Variants in FAM161A observed in about 807,000 individuals in gnomAD.
The protein encoded by FAM161A is FAM161 centrosomal protein A.
Under a neutral mutation model 70.9 loss-of-function variants are expected in FAM161A, and 57 were observed. The observed-to-expected ratio is 0.80, with a 90% CI of 0.65 to 1.00. The LOEUF is 1.00. Among genes scored for constraint, FAM161A ranks in the 50% least tolerant of loss-of-function variants. The probability of loss-of-function intolerance (pLI) is 0.00; values close to 1 mark genes in which losing one functional copy is unlikely to be tolerated. For synonymous variants in FAM161A, 299 were observed against 295.7 expected (o/e 1.01, Z -0.12); for missense variants, 880 against 836.0 (o/e 1.05, Z -0.65).
chr2:61,816,286 C>T, the FAM161A span, among the ~76,000 whole-genome samples: 1 of 152,146 alleles, frequency 6.6e-6, no homozygotes, highest in South Asian at 2.1e-4. Flanking sequence ...CTTACATTCA[C>T]CCTCCCACTG....
the FAM161A span, among the ~76,000 whole-genome samples, chr2:61,802,558 A>T: frequency 6.6e-6 from 1 of 152,170 alleles, no homozygotes; most frequent in Non-Finnish European, 1.5e-5. Context: ...AGAAGATGGT[A>T]TTGTGTCAAA....
chr2:61,836,039 T>C lies in FAM161A; in HGVS notation c.1822A>G (p.Arg608Gly), dbSNP rs1672759522. The C allele has an allele frequency of 6.2e-7, 1 of 1,611,136 alleles. No individual in the cohort carries two copies. The highest frequency in any genetic ancestry group is 1.1e-5 in the South Asian group (1 of 90,278). The change falls in exon 5 of 7, where the codon AGG (arginine) becomes GGG (glycine). Residue 608 changes from arginine to glycine, a missense_variant. Transcript: ENST00000404929. ...LEEREEKLKK[R>G]PLLFERVAQK... The stretch of plus-strand genomic sequence containing the variant: ...GCAACTCTTTCAAATAGCAGTGGCC[T>C]CTTTTTTAATTTTTCTTCTCTTTCT...
At chr2:61,826,647 T>C (rs1017027409) in intron 6 of FAM161A, 48 bp from the exon 7 acceptor site, 1 of 1,545,822 alleles carries the variant, frequency 6.5e-7, no homozygotes, top group African/African-American at 1.4e-5. Context: ...TGAGTTGGTT[T>C]AAAGGTAAAC....
At chr2:61,851,038 C>T (rs1380698742) in intron 1 of FAM161A, among the ~76,000 whole-genome samples, 1 of 152,064 alleles carries the variant, frequency 6.6e-6, no homozygotes, top group African/African-American at 2.4e-5. Flanking sequence ...CCACGCCCGG[C>T]TAATTTTGTA....
At chr2:61,816,558 T>A in the FAM161A span, among the ~76,000 whole-genome samples, 1 of 152,110 alleles carries the variant, frequency 6.6e-6, no homozygotes, top group African/African-American at 2.4e-5. Flanking sequence ...CCTCCTGGAC[T>A]CAAGCAATCC....
chr2:61,841,995 A>T, intron 2 of FAM161A, 127 bp downstream of exon 2: 1 of 710,610 alleles, frequency 1.4e-6, no homozygotes, highest in Non-Finnish European at 2.5e-6. Context: ...ATAAAATCCT[A>T]CCTCTGTATA....
chr2:61,843,942 G>T (rs1477756069), intron 1 of FAM161A, among the ~76,000 whole-genome samples: 1 of 152,040 alleles, frequency 6.6e-6, no homozygotes, highest in Non-Finnish European at 1.5e-5. Context: ...AGGAGATTGA[G>T]ACAATCCTGG....
chr2:61,805,448 G>A, the FAM161A span, among the ~76,000 whole-genome samples: 52 of 152,222 alleles, frequency 3.4e-4, no homozygotes, highest in African/African-American at 1.1e-3. Flanking sequence ...CCTGGGAGAC[G>A]GAGATTGCAG....
Position 61,838,523 on chromosome 2 carries a change from A to G in FAM161A, c.1751+15T>C. ...AAAACCAGTGGTCTGGAGATTCAAG[A>G]TTTTTTCATGATACCTGAGACATTT... is the stretch of plus-strand genomic sequence containing the variant. On this transcript the variant is annotated intron_variant, in intron 4 of 6. Coordinates refer to ENST00000404929, the MANE Select transcript of FAM161A (RefSeq NM_001201543.2). 6.3e-7 allele frequency: 1 copy of G among 1,596,924 alleles called. No homozygotes were observed. Among genetic ancestry groups the G allele is most frequent in the East Asian group, 2.2e-5 (1 of 44,530 alleles).
chr2:61,812,745 A>G, the FAM161A span, among the ~76,000 whole-genome samples: 1 of 151,624 alleles, frequency 6.6e-6, no homozygotes, highest in Non-Finnish European at 1.5e-5. Flanking sequence ...AAACAAAAAC[A>G]AAACAACAAC....
At chr2:61,803,395 A>T in the FAM161A span, 1 of 695,100 alleles carries the variant, frequency 1.4e-6, no homozygotes, top group Non-Finnish European at 2.7e-6. Flanking sequence ...AAAGCAACAA[A>T]AGGAATGCAA....
the FAM161A span, among the ~76,000 whole-genome samples, chr2:61,806,421 A>G: frequency 2.0e-5 from 3 of 152,282 alleles, no homozygotes; most frequent in Admixed American, 6.5e-5. Context: ...CTTGCCCCCT[A>G]TTATTCTGTC....
At chr2:61,801,156 G>A in the FAM161A span, among the ~76,000 whole-genome samples, 2 of 152,046 alleles carry the variant, frequency 1.3e-5, no homozygotes, top group African/African-American at 4.8e-5. Context: ...GATGCTCACG[G>A]GAAACAATTT....
At chr2:61,815,515 G>A in the FAM161A span, among the ~76,000 whole-genome samples, 3 of 128,048 alleles carry the variant, frequency 2.3e-5, no homozygotes, top group Non-Finnish European at 4.8e-5. Context: ...AATCCTCTGT[G>A]TCCACCCTGA....
chr2:61,828,701 T>C (rs1023364776), intron 5 of FAM161A, among the ~76,000 whole-genome samples: 17 of 152,180 alleles, frequency 1.1e-4, no homozygotes, highest in African/African-American at 3.9e-4. Context: ...TTAAAGATGA[T>C]AAAAGCACCA....
rs774043660 is a variant in FAM161A, at chr2:61,840,477, T to C, written c.527A>G (p.Glu176Gly). 1 of 1,614,070 alleles carries C rather than the reference T, an allele frequency of 6.2e-7. No homozygotes were observed. ...CTCTTTTTCTAGGTTGGGTAACTCCTCTTCAGAGGAGGACACATACAAGGA... is the reference window on the plus strand; with the variant it reads ...CTCTTTTTCTAGGTTGGGTAACTCCCCTTCAGAGGAGGACACATACAAGGA... ...SSSLYVSSSEEELPNLEKEYP... is the reference protein window; with the variant it reads ...SSSLYVSSSEGELPNLEKEYP... The change falls in exon 3 of 7, where the codon GAG becomes GGG. Residue 176 changes from glutamate to glycine, a missense_variant. Physicochemically the swap from Glu to Gly is moderately conservative, Grantham distance 98. Transcript: ENST00000404929.
At chr2:61,836,203 C>T in intron 4 of FAM161A, 94 bp from the exon 5 acceptor site, 1 of 920,256 alleles carries the variant, frequency 1.1e-6, no homozygotes, top group South Asian at 1.4e-5. Flanking sequence ...TGTACAAAGT[C>T]AATGAAAAAA....
intron 1 of FAM161A, among the ~76,000 whole-genome samples, chr2:61,848,829 TATATATATTTATATATATATTTA>T (rs1558491419): frequency 0.057 from 402 of 7,062 alleles, 145 homozygotes; most frequent in South Asian, 0.14. Context: ...TATATATATC[TATATATATTTATATATATATTTA>T]TATATATATT....
intron 5 of FAM161A, among the ~76,000 whole-genome samples, chr2:61,831,111 CAAAAAA>C (rs11366022): frequency 2.8e-5 from 3 of 108,522 alleles, no homozygotes; most frequent in African/African-American, 3.6e-5. Flanking sequence ...GACGCCTTCT[CAAAAAA>C]AAAAAAAAAA....
Sources: allele counts gnomAD v4.1 joint callset (sites outside exome capture counted in the v4.1 genomes callset), GRCh38; gene constraint gnomAD v4.1.1; transcripts MANE v1.5; gene names NCBI Gene and HGNC (gene_info 2026-07-23, HGNC 2026-07-21).